Variants in DGKB observed in about 807,000 individuals in gnomAD.
DGKB encodes the protein diacylglycerol kinase beta, also known as 90 kDa diacylglycerol kinase.
DGKB carries 67 observed loss-of-function variants against 114.3 expected under a neutral mutation model. The ratio of observed to expected loss-of-function variants is 0.59; its 90% CI spans 0.48 to 0.72. The LOEUF (loss-of-function observed/expected upper bound fraction) is 0.72. Among genes scored for constraint, DGKB ranks in the 30% least tolerant of loss-of-function variants. The pLI is 0.00. For synonymous variants in DGKB, 398 were observed against 323.1 expected (o/e 1.23, Z -2.49); for missense variants, 907 against 975.2 (o/e 0.93, Z 0.93).
chr7:14,356,526 T>C (rs764148063), intron 21 of DGKB, among the ~76,000 whole-genome samples: 36 of 151,918 alleles, frequency 2.4e-4, no homozygotes, highest in Non-Finnish European at 4.7e-4. Flanking sequence ...CACGCCCAGC[T>C]AATTTTTTGT....
intron 23 of DGKB, among the ~76,000 whole-genome samples, chr7:14,271,086 T>A (rs1382924528): frequency 6.6e-6 from 1 of 152,200 alleles, no homozygotes; most frequent in Non-Finnish European, 1.5e-5. Flanking sequence ...AGCTGTCTTA[T>A]GAGTAAATAA....
At chr7:14,288,083 T>C (rs1177186035) in intron 23 of DGKB, among the ~76,000 whole-genome samples, 4 of 152,050 alleles carry the variant, frequency 2.6e-5, no homozygotes, top group Non-Finnish European at 4.4e-5. Context: ...TTGTTAAAAT[T>C]AGAACTAGAA....
chr7:14,325,898 A>G (rs1481880097), intron 23 of DGKB, among the ~76,000 whole-genome samples: 1 of 152,106 alleles, frequency 6.6e-6, no homozygotes, highest in Non-Finnish European at 1.5e-5. Context: ...CTTTGTGCAT[A>G]TTTTAAATTT....
At chr7:14,326,083 T>A (rs181851050) in intron 23 of DGKB, among the ~76,000 whole-genome samples, 1 of 150,396 alleles carries the variant, frequency 6.6e-6, no homozygotes. Flanking sequence ...TTTTTTTTTT[T>A]AACCATACAA....
chr7:14,526,766 AAG>A (rs1043218231), intron 20 of DGKB, among the ~76,000 whole-genome samples: 1 of 152,116 alleles, frequency 6.6e-6, no homozygotes, highest in Non-Finnish European at 1.5e-5. Context: ...GTAATAGAGA[AAG>A]AATGAATTCT....
chr7:14,342,284 T>C (rs1424211652), intron 22 of DGKB, among the ~76,000 whole-genome samples: 1 of 151,858 alleles, frequency 6.6e-6, no homozygotes, highest in Admixed American at 6.6e-5. Flanking sequence ...ACCAAAAGAC[T>C]GAAATATCTA....
At chr7:14,784,101 G>A (rs1476067180) in intron 2 of DGKB, among the ~76,000 whole-genome samples, 1 of 151,956 alleles carries the variant, frequency 6.6e-6, no homozygotes, top group Non-Finnish European at 1.5e-5. Flanking sequence ...TGTAAATTGT[G>A]ATTCTTGCAT....
At chr7:14,392,995 G>GTTTTTTTGTTTTTTTTTTTT (rs1554404750) in intron 21 of DGKB, among the ~76,000 whole-genome samples, 17 of 60,548 alleles carry the variant, frequency 2.8e-4, no homozygotes, top group Admixed American at 6.8e-4. Context: ...TTTTGTTTTT[G>GTTTTTTTGTTTTTTTTTTTT]TTTTTTTTTT....
intron 5 of DGKB, among the ~76,000 whole-genome samples, chr7:14,731,330 G>A (rs1159105743): frequency 1.3e-5 from 2 of 152,152 alleles, no homozygotes; most frequent in Admixed American, 6.5e-5. Flanking sequence ...TTTGTGAGCT[G>A]TGTAGGTTGT....
chr7:14,867,954 C>G (rs1030299530), intron 1 of DGKB, among the ~76,000 whole-genome samples: 11 of 152,122 alleles, frequency 7.2e-5, no homozygotes, highest in African/African-American at 1.7e-4. Flanking sequence ...GAGGTGCTCC[C>G]CATTGGATTT....
intron 2 of DGKB, among the ~76,000 whole-genome samples, chr7:14,821,055 A>C (rs180775087): frequency 5.7e-4 from 87 of 152,252 alleles, no homozygotes; most frequent in Admixed American, 9.8e-4. Context: ...ATAATCACTT[A>C]ATCACTTAGA....
At chr7:14,926,124 T>C (rs1784737860) in intron 1 of DGKB, among the ~76,000 whole-genome samples, 1 of 152,124 alleles carries the variant, frequency 6.6e-6, no homozygotes, top group Admixed American at 6.6e-5. Context: ...TCAAACACTT[T>C]TTTTGCATCT....
chr7:14,750,239 A>G, intron 4 of DGKB: 1 of 483,560 alleles, frequency 2.1e-6, no homozygotes, highest in Non-Finnish European at 4.2e-6. Flanking sequence ...CAGATTTTGC[A>G]ATATTAACAC....
intron 21 of DGKB, among the ~76,000 whole-genome samples, chr7:14,475,491 C>T (rs532582661): frequency 6.6e-5 from 10 of 152,126 alleles, no homozygotes; most frequent in South Asian, 2.1e-4. Context: ...GCCTAATTGA[C>T]GTGGTAATAT....
chr7:14,643,860 T>C (rs575543605), intron 13 of DGKB, among the ~76,000 whole-genome samples: 1 of 152,154 alleles, frequency 6.6e-6, no homozygotes, highest in Non-Finnish European at 1.5e-5. Context: ...TCCTCAGGAA[T>C]TGCTACCACT....
chr7:14,217,338 T>A (rs1388108435), intron 23 of DGKB, among the ~76,000 whole-genome samples: 1 of 152,186 alleles, frequency 6.6e-6, no homozygotes, highest in Non-Finnish European at 1.5e-5. Flanking sequence ...GATTTTTGTT[T>A]GCTTCCTTGG....
At chr7:14,170,089 A>T (rs537032364) in intron 25 of DGKB, among the ~76,000 whole-genome samples, 2 of 148,268 alleles carry the variant, frequency 1.3e-5, no homozygotes, top group African/African-American at 5.0e-5. Context: ...AGCCGAGATC[A>T]CACCATTGCA....
In DGKB at chr7:14,176,163, C is replaced by G. The variant is rs13241325; in HGVS notation, c.2304+676G>C. 1,705 of 163,732 alleles carry G rather than the reference C, an allele frequency of 0.01. 5 individuals are homozygous for G. Among genetic ancestry groups the G allele is most frequent in the Non-Finnish European group, 0.015 (1,209 of 78,646 alleles). The allele number at this position is 163,732 out of a possible 1,614,324, so 10.1% of individuals were successfully genotyped here. On this transcript the variant is annotated intron_variant, in intron 25 of 25. Coordinates refer to ENST00000402815, the MANE Select transcript of DGKB (RefSeq NM_001350709.2). Reference sequence around the variant, plus strand: ...TGTAGTTGTTTATTTATTCGGTCCTCTATTATAGGAATGTAAGTAACTTGA... The same window carrying G: ...TGTAGTTGTTTATTTATTCGGTCCTGTATTATAGGAATGTAAGTAACTTGA...
intron 1 of DGKB, among the ~76,000 whole-genome samples, chr7:14,869,369 T>G (rs1047387368): frequency 6.6e-6 from 1 of 152,188 alleles, no homozygotes; most frequent in Non-Finnish European, 1.5e-5. Flanking sequence ...CCGTAATTTC[T>G]TGTATATTTT....
Sources: allele counts gnomAD v4.1 joint callset (sites outside exome capture counted in the v4.1 genomes callset), GRCh38; gene constraint gnomAD v4.1.1; transcripts MANE v1.5; gene names NCBI Gene and HGNC (gene_info 2026-07-23, HGNC 2026-07-21).